The following HHAT variants were observed in gnomAD, a reference collection of about 807,000 sequenced individuals.
HHAT encodes protein-cysteine N-palmitoyltransferase HHAT.
In HHAT, 47 loss-of-function variants were observed where a neutral mutation model predicts 70.8. That is an observed-to-expected ratio of 0.66 (90% CI 0.53 to 0.85). HHAT has a LOEUF of 0.85. HHAT is among the 40% of genes least tolerant of loss of function. The probability of loss-of-function intolerance (pLI) is 0.00; values close to 1 mark genes in which losing one functional copy is unlikely to be tolerated. For missense variants in HHAT, 609 were observed against 604.8 expected (o/e 1.01, Z -0.07); for synonymous variants, 228 against 247.6 (o/e 0.92, Z 0.74).
chr1:210,625,217 A>G (rs1669609673), intron 11 of HHAT, among the ~76,000 whole-genome samples: 1 of 152,170 alleles, frequency 6.6e-6, no homozygotes, highest in South Asian at 2.1e-4. Flanking sequence ...TAAAGATGAG[A>G]GATAATAGGG....
At chr1:210,334,881 A>G (rs1404296553) in intron 1 of HHAT, among the ~76,000 whole-genome samples, 2 of 152,130 alleles carry the variant, frequency 1.3e-5, no homozygotes, top group African/African-American at 4.8e-5. Flanking sequence ...ATATATTACC[A>G]AAGACACAAA....
chr1:210,505,929 G>A (rs1260978121), intron 8 of HHAT, among the ~76,000 whole-genome samples: 11 of 152,150 alleles, frequency 7.2e-5, no homozygotes, highest in Admixed American at 3.9e-4. Flanking sequence ...CCACCCAGCC[G>A]AGATTAGTCT....
At chr1:210,451,087 C>CAA (rs36045825) in intron 7 of HHAT, among the ~76,000 whole-genome samples, 47 of 91,646 alleles carry the variant, frequency 5.1e-4, no homozygotes, top group Middle Eastern at 5.7e-3. Flanking sequence ...ACTCCATCTC[C>CAA]AAAAAAAAAA....
chr1:210,491,509 GTTA>G lies in HHAT; in HGVS notation c.1008-21638_1008-21636del, dbSNP rs373869268. On this transcript the variant is annotated intron_variant, in intron 8 of 11. Coordinates refer to ENST00000261458, the MANE Select transcript of HHAT (RefSeq NM_018194.6). ...TTACCAGCGGAGAACCCTTGGGCAA[GTTA>G]TTATTTCTTTGGTTTTCAGCTTCTT... Among the ~76,000 whole-genome samples the G allele has an allele frequency of 2.0e-4, 30 of 152,280 alleles. No individual in the cohort carries two copies. The East Asian group carries it at 3.3e-3, about 17-fold the overall frequency.
chr1:210,469,953 G>C (rs931928342), intron 8 of HHAT, among the ~76,000 whole-genome samples: 1 of 152,012 alleles, frequency 6.6e-6, no homozygotes, highest in African/African-American at 2.4e-5. Context: ...TTTAAGTTCC[G>C]CATGCATTAG....
chr1:210,670,787 T>C (rs1177467878), intron 11 of HHAT, among the ~76,000 whole-genome samples: 1 of 152,216 alleles, frequency 6.6e-6, no homozygotes, highest in Non-Finnish European at 1.5e-5. Context: ...ATCTTTTGTA[T>C]TTCTAAAACA....
chr1:210,448,295 T>C lies in HHAT; in HGVS notation c.857-16210T>C, dbSNP rs941073293. ...CGGGGTTTCACTATGTTGGCCAGGCTGGTCTTGAACTCCTGACCTCAGGTG... is the reference window on the plus strand; with the variant it reads ...CGGGGTTTCACTATGTTGGCCAGGCCGGTCTTGAACTCCTGACCTCAGGTG... On this transcript the variant is annotated intron_variant, in intron 7 of 11. Transcript: ENST00000261458. Among the ~76,000 whole-genome samples, 10 of 152,226 alleles carry C rather than the reference T, an allele frequency of 6.6e-5. 1 individual carries two copies. The highest frequency in any genetic ancestry group is 2.2e-4 in the African/African-American group (9 of 41,528).
intron 8 of HHAT, among the ~76,000 whole-genome samples, chr1:210,490,129 G>A (rs546346550): frequency 6.6e-6 from 1 of 152,330 alleles, no homozygotes; most frequent in African/African-American, 2.4e-5. Context: ...ATTAGCCCAA[G>A]TTTGGCATCT....
Position 210,365,847 on chromosome 1 carries a change from C to T in HHAT, c.159+2928C>T, listed in dbSNP as rs549166849. Among the ~76,000 whole-genome samples, 231 of 152,066 alleles carry T rather than the reference C, an allele frequency of 1.5e-3. 1 individual carries two copies. The highest frequency in any genetic ancestry group is 7.5e-3 in the South Asian group (36 of 4,812). On this transcript the variant is annotated intron_variant, in intron 3 of 11. Transcript: ENST00000261458. ...GCTAGGCTGGTCTCAAACTCCTGACCTCAAGTGATCCACCTGCCTCAGCCT... is the reference window on the plus strand; with the variant it reads ...GCTAGGCTGGTCTCAAACTCCTGACTTCAAGTGATCCACCTGCCTCAGCCT...
At chr1:210,566,795 G>A (rs924622728) in intron 9 of HHAT, among the ~76,000 whole-genome samples, 1 of 152,274 alleles carries the variant, frequency 6.6e-6, no homozygotes, top group African/African-American at 2.4e-5. Flanking sequence ...CTTCAAGTCT[G>A]TGTGTGACCC....
intron 9 of HHAT, among the ~76,000 whole-genome samples, chr1:210,549,521 C>T (rs1001998141): frequency 4.0e-5 from 6 of 148,594 alleles, no homozygotes; most frequent in Non-Finnish European, 8.8e-5. Flanking sequence ...TCAGTCAGTG[C>T]TCAAAGGCCA....
chr1:210,667,380 CAATAAATAAATAAATA>C lies in HHAT; in HGVS notation c.1391-6894_1391-6879del, dbSNP rs3067940. On this transcript the variant is annotated intron_variant, in intron 11 of 11. Transcript: ENST00000261458. Reference sequence around the variant, plus strand: ...CTGGGCAACAAGAGTGAAACTCCGTCAATAAATAAATAAATAAATAAATAAATAATTATTTTTTCTC... The same window carrying C: ...CTGGGCAACAAGAGTGAAACTCCGTCAATAAATAAATAATTATTTTTTCTC... Among the ~76,000 whole-genome samples, 8 of 150,490 alleles carry C rather than the reference CAATAAATAAATAAATA, an allele frequency of 5.3e-5. No homozygotes were observed. In the East Asian group the frequency reaches 1.6e-3, roughly 30 times the overall value.
chr1:210,442,015 A>C (rs1343543315), intron 7 of HHAT, among the ~76,000 whole-genome samples: 4 of 104,822 alleles, frequency 3.8e-5, no homozygotes, highest in Non-Finnish European at 7.2e-5. Context: ...CCCACCCCAC[A>C]ACAGTCCCCA....
chr1:210,559,410 G>T (rs1284158413), intron 9 of HHAT, among the ~76,000 whole-genome samples: 1 of 152,196 alleles, frequency 6.6e-6, no homozygotes, highest in Admixed American at 6.5e-5. Flanking sequence ...GGAGAGGTTA[G>T]TTGGTAAAGG....
chr1:210,600,992 G>A (rs1379936553), intron 10 of HHAT, among the ~76,000 whole-genome samples: 4 of 151,904 alleles, frequency 2.6e-5, no homozygotes, highest in Non-Finnish European at 5.9e-5. Context: ...CCTTTCTGAA[G>A]CAGTAAAATT....
At chr1:210,471,955 A>G (rs770026816) in intron 8 of HHAT, among the ~76,000 whole-genome samples, 42 of 152,198 alleles carry the variant, frequency 2.8e-4, no homozygotes, top group Non-Finnish European at 4.0e-4. Context: ...TTTGTATCCT[A>G]TGAAGTAGTT....
intron 3 of HHAT, among the ~76,000 whole-genome samples, chr1:210,365,581 A>G (rs1205986206): frequency 6.6e-6 from 1 of 150,952 alleles, no homozygotes; most frequent in African/African-American, 2.4e-5. Context: ...GCCTCCCAAA[A>G]TACTGGGATT....
chr1:210,469,686 T>G (rs2094166753), intron 8 of HHAT, among the ~76,000 whole-genome samples: 1 of 152,180 alleles, frequency 6.6e-6, no homozygotes. Context: ...GTTTTATTTA[T>G]GAGACAGTGT....
intron 7 of HHAT, among the ~76,000 whole-genome samples, chr1:210,422,330 C>G (rs1243792582): frequency 6.6e-6 from 1 of 152,122 alleles, no homozygotes; most frequent in Non-Finnish European, 1.5e-5. Flanking sequence ...ATTATTAACT[C>G]TAGTCATCCT....
Sources: gnomAD v4.1 joint callset for allele counts (sites outside exome capture counted in the v4.1 genomes callset) on GRCh38, gnomAD v4.1.1 for gene constraint, MANE v1.5 for transcripts, NCBI Gene and HGNC (gene_info 2026-07-23, HGNC 2026-07-21) for gene names.